HIPK2: variants seen among roughly 807,000 people sequenced by gnomAD.
HIPK2 encodes homeodomain interacting protein kinase 2.
A neutral mutation model predicts 113.7 loss-of-function variants in HIPK2; 27 were observed. The ratio of observed to expected loss-of-function variants is 0.24; its 90% CI spans 0.17 to 0.33. The LOEUF (loss-of-function observed/expected upper bound fraction) is 0.33, where lower values mean the gene tolerates loss of function less well. HIPK2 is among the 10% of genes least tolerant of loss of function. The pLI is 1.00. For synonymous variants in HIPK2, 631 were observed against 642.2 expected (o/e 0.98, Z 0.26); for missense variants, 1,257 against 1,588.0 (o/e 0.79, Z 3.54).
intron 5 of HIPK2, among the ~76,000 whole-genome samples, chr7:139,627,196 C>G (rs951580836): frequency 2.0e-5 from 3 of 152,106 alleles, no homozygotes; most frequent in African/African-American, 7.2e-5. Context: ...GAACTGTACC[C>G]TTAACAAAGG....
At chr7:139,726,142 A>G (rs902118079) in intron 1 of HIPK2, among the ~76,000 whole-genome samples, 1 of 152,240 alleles carries the variant, frequency 6.6e-6, no homozygotes, top group African/African-American at 2.4e-5. Flanking sequence ...TGATTAAAAT[A>G]AAATACATTT....
chr7:139,652,118 C>G (rs57820663), intron 2 of HIPK2, among the ~76,000 whole-genome samples: 20,569 of 152,188 alleles, frequency 0.14, 1,635 homozygotes, highest in African/African-American at 0.22. Flanking sequence ...GTGGCTTACT[C>G]AGGAATTAAC....
In HIPK2 at chr7:139,613,088, C is replaced by A; in HGVS notation, c.2112+114G>T. ...GAATATTACAGATACATTCCAATGA[C>A]TAGAAGCACCTAACTCATTACTAGG... On this transcript the variant is annotated intron_variant, in intron 9 of 14. Transcript: ENST00000406875. The surrounding 1 kb of genome is among the most constrained non-coding windows in gnomAD (Gnocchi z 4.2). 8.0e-7 allele frequency: 1 copy of A among 1,255,336 alleles called. No individual in the cohort carries two copies. The highest frequency in any genetic ancestry group is 1.1e-6 in the Non-Finnish European group (1 of 906,464). The allele number at this position is 1,255,336 out of a possible 1,614,324, so 77.8% of individuals were successfully genotyped here. A position where few individuals can be genotyped will look rare whatever the true frequency, so the allele number is the denominator to read the frequency against.
rs1047917683 is a variant in HIPK2, at chr7:139,683,386, C to A, written c.1103+32546G>T. ...TGGTGCAGGGTCCCTCATGAGGCTG[C>A]GATCAAGATGTTTCCAAGCTCCCCA... is the stretch of plus-strand genomic sequence containing the variant. On this transcript the variant is annotated intron_variant, in intron 2 of 14. Transcript: ENST00000406875. This position sits in a 1 kb window ranked among gnomAD's most constrained non-coding sequence, Gnocchi z 4.2. 6.6e-6 allele frequency among the ~76,000 whole-genome samples: 1 copy of A among 151,872 alleles called. No homozygotes were observed. The highest frequency in any genetic ancestry group is 1.5e-5 in the Non-Finnish European group (1 of 68,034).
At position 139,604,823 on chromosome 7, in the gene HIPK2, T is replaced by C. The variant is rs538669309; in HGVS notation, c.2113-600A>G. On this transcript the variant is annotated intron_variant, in intron 9 of 14. Transcript: ENST00000406875. ...ATAAATTTGCTCTAATGAGCAATGC[T>C]TGAAGTTTCTGAAAGTTTATTTATT... is the stretch of plus-strand genomic sequence containing the variant. 7.2e-5 allele frequency among the ~76,000 whole-genome samples: 11 copies of C among 152,328 alleles called. No homozygotes were observed. The East Asian group carries it at 1.9e-3, about 27-fold the overall frequency.
At chr7:139,588,354 A>C (rs1798906812) in intron 12 of HIPK2, among the ~76,000 whole-genome samples, 1 of 151,358 alleles carries the variant, frequency 6.6e-6, no homozygotes, top group South Asian at 2.1e-4. Context: ...AAAAAAAACA[A>C]AAAAACAAAA....
At chr7:139,655,455 AG>A (rs1459791220) in intron 2 of HIPK2, among the ~76,000 whole-genome samples, 6 of 152,182 alleles carry the variant, frequency 3.9e-5, no homozygotes, top group African/African-American at 1.4e-4. Context: ...TGTAGACAGA[AG>A]GCGTGTGGGA....
chr7:139,714,483 G>A lies in HIPK2; in HGVS notation c.1103+1449C>T, dbSNP rs1795162242. The stretch of plus-strand genomic sequence containing the variant: ...AGCTCTGCCTGCAGCCAGGATGGGG[G>A]CCCGGACAGGGAGCAAGAAGGGGAA... On this transcript the variant is annotated intron_variant, in intron 2 of 14. Transcript: ENST00000406875. This position sits in a 1 kb window ranked among gnomAD's most constrained non-coding sequence, Gnocchi z 4.2. Among the ~76,000 whole-genome samples, 1 of 152,164 alleles carries A rather than the reference G, an allele frequency of 6.6e-6. No individual in the cohort carries two copies.
intron 12 of HIPK2, among the ~76,000 whole-genome samples, chr7:139,585,913 G>T (rs895225465): frequency 6.6e-6 from 1 of 152,174 alleles, no homozygotes; most frequent in Non-Finnish European, 1.5e-5. Context: ...ATATCTCGGA[G>T]ATCTACGCGG....
At chr7:139,649,521 A>G (rs1173847344) in intron 2 of HIPK2, among the ~76,000 whole-genome samples, 1 of 151,800 alleles carries the variant, frequency 6.6e-6, no homozygotes, top group African/African-American at 2.4e-5. Flanking sequence ...GTCTTGAAGG[A>G]GGCAGAGGTG....
intron 7 of HIPK2, among the ~76,000 whole-genome samples, chr7:139,618,442 C>T (rs1230219895): frequency 6.6e-6 from 1 of 152,114 alleles, no homozygotes; most frequent in African/African-American, 2.4e-5. Flanking sequence ...TTTCCCTTAC[C>T]CACGACTCTG....
chr7:139,563,855 T>C lies in HIPK2; in HGVS notation c.*9072A>G, dbSNP rs1798016827. 1 of 398,534 alleles carries C rather than the reference T, an allele frequency of 2.5e-6. No homozygotes were observed. 24.7% of individuals were successfully genotyped at this position (398,534 alleles called of 1,614,324 possible). A position where few individuals can be genotyped will look rare whatever the true frequency, so the allele number is the denominator to read the frequency against. On this transcript the variant is annotated 3_prime_UTR_variant, in exon 15 of 15. Coordinates refer to ENST00000406875, the MANE Select transcript of HIPK2 (RefSeq NM_022740.5). The stretch of plus-strand genomic sequence containing the variant: ...TTCAAGGTCTTATCTGCTAAAGGAA[T>C]GCCCTTTAGGTCACAGCAGGTCCTC...
At position 139,721,287 on chromosome 7, in the gene HIPK2, C is replaced by T. The variant is rs763871517; in HGVS notation, c.20-4272G>A. ...CTTTTTTAAATCCCTGAAATACCTTCATAAGGAATAAGACACTGCTGGTGG... is the reference window on the plus strand; with the variant it reads ...CTTTTTTAAATCCCTGAAATACCTTTATAAGGAATAAGACACTGCTGGTGG... On this transcript the variant is annotated intron_variant, in intron 1 of 14. Transcript: ENST00000406875. Among the ~76,000 whole-genome samples the T allele has an allele frequency of 3.9e-5, 6 of 152,362 alleles. 1 individual carries two copies. Among genetic ancestry groups the T allele is most frequent in the Admixed American group, 3.3e-4 (5 of 15,312 alleles).
chr7:139,627,847 G>A (rs1800484725), intron 5 of HIPK2, among the ~76,000 whole-genome samples: 1 of 152,176 alleles, frequency 6.6e-6, no homozygotes, highest in African/African-American at 2.4e-5. Flanking sequence ...GAGAGCCTGC[G>A]GTCCCTGCCA....
At chr7:139,584,802 T>C (rs1300836834) in intron 12 of HIPK2, among the ~76,000 whole-genome samples, 1 of 152,174 alleles carries the variant, frequency 6.6e-6, no homozygotes, top group Non-Finnish European at 1.5e-5. Flanking sequence ...GGAGATGGTA[T>C]TGCACCGGGG....
chr7:139,733,059 C>G (rs1795842284), intron 1 of HIPK2, among the ~76,000 whole-genome samples: 1 of 151,882 alleles, frequency 6.6e-6, no homozygotes, highest in Non-Finnish European at 1.5e-5. Context: ...TGTGGCACCT[C>G]CCCCCTCACT....
intron 1 of HIPK2, among the ~76,000 whole-genome samples, chr7:139,745,810 C>A (rs1470610090): frequency 1.3e-5 from 2 of 152,198 alleles, no homozygotes; most frequent in African/African-American, 4.8e-5. Context: ...TGCATGCTCA[C>A]TGCAAGCATT....
At chr7:139,764,442 TTAAG>T (rs1213155084) in intron 1 of HIPK2, among the ~76,000 whole-genome samples, 1 of 152,178 alleles carries the variant, frequency 6.6e-6, no homozygotes, top group Non-Finnish European at 1.5e-5. Flanking sequence ...GGGTTAAATG[TTAAG>T]TAAAACAAAG....
At chr7:139,673,181 C>G (rs961582445) in intron 2 of HIPK2, among the ~76,000 whole-genome samples, 3 of 151,240 alleles carry the variant, frequency 2.0e-5, no homozygotes, top group African/African-American at 7.3e-5. Context: ...AGTGACCCAT[C>G]TGCTCTGGGG....
Sources: gnomAD v4.1 joint callset for allele counts (sites outside exome capture counted in the v4.1 genomes callset) on GRCh38, gnomAD v4.1.1 for gene constraint, Gnocchi (gnomAD v3.1) non-coding constraint, MANE v1.5 for transcripts, NCBI Gene and HGNC (gene_info 2026-07-23, HGNC 2026-07-21) for gene names.